Variants in ARMC9 observed in about 807,000 individuals in gnomAD.
ARMC9 encodes the protein armadillo repeat containing 9.
Under a neutral mutation model 107.0 loss-of-function variants are expected in ARMC9, and 94 were observed. That is an observed-to-expected ratio of 0.88 (90% CI 0.74 to 1.04). The LOEUF (loss-of-function observed/expected upper bound fraction) is 1.04, where lower values mean the gene tolerates loss of function less well. Among genes scored for constraint, ARMC9 ranks in the 50% least tolerant of loss-of-function variants. The probability of loss-of-function intolerance (pLI) is 0.00; values close to 1 mark genes in which losing one functional copy is unlikely to be tolerated. For synonymous variants in ARMC9, 380 were observed against 396.9 expected (o/e 0.96, Z 0.51); for missense variants, 942 against 1,030.1 (o/e 0.91, Z 1.17).
intron 2 of ARMC9, 80 bp from the exon 3 acceptor site, chr2:231,208,047 T>C (rs1009251861): frequency 7.4e-6 from 5 of 676,472 alleles, no homozygotes; most frequent in African/African-American, 7.3e-5. Context: ...TGGATAAATA[T>C]CTATTCAGAT....
chr2:231,286,884 G>A (rs912834416), intron 17 of ARMC9, among the ~76,000 whole-genome samples: 1 of 152,164 alleles, frequency 6.6e-6, no homozygotes, highest in African/African-American at 2.4e-5. Flanking sequence ...TGAATCCCCT[G>A]AGGCCCATTT....
intron 12 of ARMC9, chr2:231,270,518 T>C: frequency 2.4e-6 from 1 of 425,218 alleles, no homozygotes; most frequent in Non-Finnish European, 4.9e-6. Flanking sequence ...CTGCTAAGCC[T>C]CTTGCCATGC....
chr2:231,225,138 G>T (rs532847728), intron 6 of ARMC9, among the ~76,000 whole-genome samples: 5 of 152,166 alleles, frequency 3.3e-5, no homozygotes, highest in Non-Finnish European at 2.9e-5. Flanking sequence ...AGTACAGAAA[G>T]GTTTTTAATA....
intron 18 of ARMC9, chr2:231,295,166 C>A (rs1265232621): frequency 6.6e-6 from 1 of 152,224 alleles, no homozygotes; most frequent in African/African-American, 2.4e-5. Context: ...TTCTTTCAGG[C>A]TTTCTTTACC....
At chr2:231,314,070 T>TC (rs200210044) in intron 19 of ARMC9, among the ~76,000 whole-genome samples, 7 of 150,536 alleles carry the variant, frequency 4.7e-5, no homozygotes, top group South Asian at 2.1e-4. Context: ...TCTTTTCTTT[T>TC]TTTTTTTTTT....
rs2037837340 is a variant in ARMC9 at position 231,256,569 on chromosome 2, T to C, written c.880-17T>C. The C allele has an allele frequency of 6.2e-7, 1 of 1,613,654 alleles. No homozygotes were observed. The highest frequency in any genetic ancestry group is 1.3e-5 in the African/African-American group (1 of 74,908). ...GTGTTTAACACCATCTGTTTTCTTC[T>C]GTCCTCTTCCCCCCAGGCATCCACC... On this transcript the variant is annotated splice_polypyrimidine_tract_variant and intron_variant, in intron 9 of 24. Coordinates refer to ENST00000611582, the MANE Select transcript of ARMC9 (RefSeq NM_001352754.2).
intron 5 of ARMC9, among the ~76,000 whole-genome samples, chr2:231,217,681 T>C (rs1436689717): frequency 6.6e-6 from 1 of 152,154 alleles, no homozygotes; most frequent in Non-Finnish European, 1.5e-5. Context: ...TATAGTCCTA[T>C]GAATTGTAAC....
chr2:231,343,095 T>C (rs970798438), intron 20 of ARMC9, among the ~76,000 whole-genome samples: 6 of 152,030 alleles, frequency 3.9e-5, no homozygotes, highest in African/African-American at 1.4e-4. Context: ...GTATTTTTAG[T>C]AGAGATGGGA....
Position 231,226,780 on chromosome 2 carries a change from A to G in ARMC9, c.604A>G (p.Asn202Asp). The change falls in exon 7 of 25, where the codon AAT (asparagine) becomes GAT (aspartate). Residue 202 changes from asparagine to aspartate, a missense_variant. Physicochemically the swap from Asn to Asp is conservative, Grantham distance 23. Coordinates refer to ENST00000611582, the MANE Select transcript of ARMC9 (RefSeq NM_001352754.2). Reference sequence around the variant, plus strand: ...AACTTCTTTTTCATCCCAGAAGGAGAATGGACAAAGTAACAAAGGTAAATC... The same window carrying G: ...AACTTCTTTTTCATCCCAGAAGGAGGATGGACAAAGTAACAAAGGTAAATC... ...TPKLLTIYKE[N>D]GQSNKEILQQ... 3 of 1,613,826 alleles carry G rather than the reference A, an allele frequency of 1.9e-6. No homozygotes were observed. Among genetic ancestry groups the G allele is most frequent in the Non-Finnish European group, 2.5e-6 (3 of 1,179,776 alleles).
At chr2:231,285,131 G>C (rs2040494124) in intron 17 of ARMC9, among the ~76,000 whole-genome samples, 1 of 152,134 alleles carries the variant, frequency 6.6e-6, no homozygotes, top group African/African-American at 2.4e-5. Flanking sequence ...CCAGGAGGCA[G>C]AGGTTGCAGT....
At chr2:231,285,606 A>C (rs906123525) in intron 17 of ARMC9, among the ~76,000 whole-genome samples, 1 of 151,906 alleles carries the variant, frequency 6.6e-6, no homozygotes, top group African/African-American at 2.4e-5. Context: ...AGATCATGCC[A>C]CTGGACTCCA....
chr2:231,313,824 G>A (rs975725087), intron 19 of ARMC9, among the ~76,000 whole-genome samples: 1 of 151,584 alleles, frequency 6.6e-6, no homozygotes, highest in African/African-American at 2.4e-5. Context: ...GTGCAATCAC[G>A]GCTCACTGCA....
At chr2:231,206,114 A>C (rs570790663) in intron 1 of ARMC9, 84 bp from the exon 2 acceptor site, 5 of 818,552 alleles carry the variant, frequency 6.1e-6, no homozygotes, top group Middle Eastern at 2.6e-4. Flanking sequence ...TTTGGGGGCC[A>C]TTATTCTGCT....
At chr2:231,352,737 A>ATAGG (rs201319101) in intron 21 of ARMC9, among the ~76,000 whole-genome samples, 16 of 151,178 alleles carry the variant, frequency 1.1e-4, no homozygotes, top group African/African-American at 1.7e-4. Context: ...TGGATAGAAG[A>ATAGG]TAGGTAGGTA....
intron 18 of ARMC9, chr2:231,295,911 A>G: frequency 3.8e-6 from 1 of 265,912 alleles, no homozygotes; most frequent in East Asian, 6.8e-5. Flanking sequence ...ATAAATATTT[A>G]CTTACTTTTC....
rs2034281175 is a variant in ARMC9, at chr2:231,222,821, G to A, written c.597+1G>A. ...CACGCCAAAGCTTTTAACAATATAT[G>A]TATCCTTTTGAAGCAAATAGAGACC... On this transcript the variant is annotated splice_donor_variant, in intron 6 of 24. Coordinates refer to ENST00000611582, the MANE Select transcript of ARMC9 (RefSeq NM_001352754.2). LOFTEE classifies it high-confidence loss of function. 6.4e-7 allele frequency: 1 copy of A among 1,560,014 alleles called. No individual in the cohort carries two copies. The highest frequency in any genetic ancestry group is 1.8e-5 in the Admixed American group (1 of 56,788).
rs1233785573 is a variant in ARMC9, at chr2:231,278,437, T to C, written c.1530T>C (p.Leu510=). The C allele has an allele frequency of 6.2e-7, 1 of 1,614,106 alleles. No homozygotes were observed. The highest frequency in any genetic ancestry group is 1.7e-5 in the Admixed American group (1 of 60,032). Reference sequence around the variant, plus strand: ...TCGTGCTCAAAGTCCTTTCGGATCTTCTTGGCCATGAAAACCATGAGGTAC... The same window carrying C: ...TCGTGCTCAAAGTCCTTTCGGATCTCCTTGGCCATGAAAACCATGAGGTAC... The part of the protein sequence containing the change: ...AGLVLKVLSD[L]LGHENHEIQP... The change falls in exon 16 of 25, where the codon CTT becomes CTC. Residue 510 remains leucine, a synonymous_variant. Coordinates refer to ENST00000611582, the MANE Select transcript of ARMC9 (RefSeq NM_001352754.2).
intron 7 of ARMC9, 69 bp downstream of exon 7, chr2:231,226,867 G>T: frequency 1.3e-6 from 2 of 1,509,046 alleles, no homozygotes; most frequent in African/African-American, 2.8e-5. Flanking sequence ...AGTAAGATCG[G>T]TGCAAAGATG....
At chr2:231,313,949 G>A (rs545351852) in intron 19 of ARMC9, among the ~76,000 whole-genome samples, 3 of 146,896 alleles carry the variant, frequency 2.0e-5, no homozygotes, top group South Asian at 2.2e-4. Context: ...TTGGTAGGAC[G>A]GAATCCCACT....
Sources: allele counts gnomAD v4.1 joint callset (sites outside exome capture counted in the v4.1 genomes callset), GRCh38; gene constraint gnomAD v4.1.1; transcripts MANE v1.5; gene names NCBI Gene and HGNC (gene_info 2026-07-23, HGNC 2026-07-21).